The following XYLT1 variants were observed in gnomAD, a reference collection of about 807,000 sequenced individuals.
XYLT1 encodes beta-D-xylosyltransferase 1.
A neutral mutation model predicts 91.3 loss-of-function variants in XYLT1; 36 were observed. The ratio of observed to expected loss-of-function variants is 0.39; its 90% confidence interval spans 0.30 to 0.52. The LOEUF (loss-of-function observed/expected upper bound fraction) is 0.52. Ranked by LOEUF, XYLT1 falls within the 20% of genes least tolerant of loss-of-function variation. The probability of loss-of-function intolerance (pLI) is 0.68; values close to 1 mark genes in which losing one functional copy is unlikely to be tolerated. For missense variants in XYLT1, 1,242 were observed against 1,284.5 expected (o/e 0.97, Z 0.51); for synonymous variants, 588 against 532.0 (o/e 1.11, Z -1.45).
rs528083992 is a variant in XYLT1, at chr16:17,359,146, G to A, written c.364-1096C>T. Among the ~76,000 whole-genome samples the A allele has an allele frequency of 2.0e-5, 3 of 152,266 alleles. No individual in the cohort carries two copies. The East Asian group carries it at 5.8e-4, about 29-fold the overall frequency. On this transcript the variant is annotated intron_variant, in intron 1 of 11. Coordinates refer to ENST00000261381, the MANE Select transcript of XYLT1 (RefSeq NM_022166.4). ...TTTCTGTCTATACCACGTCTGCTCT[G>A]AACTTAATCATCTTGGATTTATAAT... is the stretch of plus-strand genomic sequence containing the variant.
chr16:17,328,307 G>C (rs1225673756), intron 2 of XYLT1, among the ~76,000 whole-genome samples: 1 of 151,984 alleles, frequency 6.6e-6, no homozygotes, highest in Non-Finnish European at 1.5e-5. Context: ...AGCACTTTGG[G>C]AGGCTGATGT....
intron 3 of XYLT1, chr16:17,250,532 T>C (rs1280713703): frequency 2.0e-5 from 3 of 152,228 alleles, no homozygotes; most frequent in South Asian, 2.1e-4. Flanking sequence ...CAAATATTTA[T>C]GATCTGGCCC....
chr16:17,116,767 C>G (rs914638238), intron 11 of XYLT1, among the ~76,000 whole-genome samples: 19 of 152,244 alleles, frequency 1.2e-4, no homozygotes, highest in African/African-American at 4.1e-4. Flanking sequence ...CCCACTAGCA[C>G]TGCATGAATG....
intron 2 of XYLT1, among the ~76,000 whole-genome samples, chr16:17,323,619 C>T (rs2034757697): frequency 2.0e-5 from 3 of 152,174 alleles, no homozygotes; most frequent in African/African-American, 7.2e-5. Context: ...TTCCCAGCTC[C>T]GGACTTGTAC....
chr16:17,110,547 T>TG (rs145670143), intron 11 of XYLT1, among the ~76,000 whole-genome samples: 10,757 of 152,220 alleles, frequency 0.071, 1,198 homozygotes, highest in African/African-American at 0.23. Flanking sequence ...TCCCTGACCA[T>TG]TGAAACTGTG....
intron 2 of XYLT1, among the ~76,000 whole-genome samples, chr16:17,293,364 T>C (rs921381529): frequency 6.6e-6 from 1 of 152,160 alleles, no homozygotes; most frequent in African/African-American, 2.4e-5. Flanking sequence ...CCACTTAGCA[T>C]AGCCACTGAA....
At chr16:17,249,810 A>G (rs2033508235) in intron 3 of XYLT1, 1 of 152,052 alleles carries the variant, frequency 6.6e-6, no homozygotes, top group South Asian at 2.1e-4. Flanking sequence ...CCGGGATTAC[A>G]GACATGTGCC....
intron 1 of XYLT1, among the ~76,000 whole-genome samples, chr16:17,397,389 C>T (rs1332760237): frequency 6.6e-6 from 1 of 152,088 alleles, no homozygotes; most frequent in African/African-American, 2.4e-5. Context: ...TAAAAAACAC[C>T]CGAGACAACA....
intron 3 of XYLT1, among the ~76,000 whole-genome samples, chr16:17,255,292 C>T (rs971101636): frequency 6.6e-6 from 1 of 152,182 alleles, no homozygotes; most frequent in Non-Finnish European, 1.5e-5. Context: ...AACCACCACA[C>T]CCAGCCAGCC....
chr16:17,203,610 G>A (rs1016407436), intron 3 of XYLT1, among the ~76,000 whole-genome samples: 9 of 151,292 alleles, frequency 5.9e-5, no homozygotes, highest in African/African-American at 1.5e-4. Flanking sequence ...CCACCCATTC[G>A]TTCATGCATT....
At chr16:17,449,164 T>C (rs1021856630) in intron 1 of XYLT1, among the ~76,000 whole-genome samples, 1 of 152,212 alleles carries the variant, frequency 6.6e-6, no homozygotes, top group African/African-American at 2.4e-5. Context: ...CTCCCTCTGA[T>C]GAAAGCAAGT....
chr16:17,399,061 C>A (rs1198673185), intron 1 of XYLT1, among the ~76,000 whole-genome samples: 1 of 151,966 alleles, frequency 6.6e-6, no homozygotes, highest in Non-Finnish European at 1.5e-5. Context: ...GCTTAGGGAC[C>A]CCCCCGCTTC....
At chr16:17,461,522 T>A (rs1406592702) in intron 1 of XYLT1, among the ~76,000 whole-genome samples, 1 of 151,884 alleles carries the variant, frequency 6.6e-6, no homozygotes, top group Non-Finnish European at 1.5e-5. Flanking sequence ...GGAGGATGGG[T>A]AGATAGGTGG....
rs976532436 is a variant in XYLT1, at chr16:17,138,755, T to C, written c.1588-224A>G. The C allele has an allele frequency of 1.6e-4, 80 of 505,264 alleles. 1 individual carries two copies. In the East Asian group the frequency reaches 2.6e-3, roughly 17 times the overall value. 31.3% of individuals were successfully genotyped at this position (505,264 alleles called of 1,614,324 possible). ...TTACCAAGCCTCAGATTTTCCTTCA[T>C]AGCAATGCAAAAATGTATAACACAA... On this transcript the variant is annotated intron_variant, in intron 7 of 11. Coordinates refer to ENST00000261381, the MANE Select transcript of XYLT1 (RefSeq NM_022166.4).
At chr16:17,428,225 C>T (rs2036342766) in intron 1 of XYLT1, among the ~76,000 whole-genome samples, 1 of 152,212 alleles carries the variant, frequency 6.6e-6, no homozygotes, top group South Asian at 2.1e-4. Flanking sequence ...CTCAGATGAT[C>T]TGCCCGCCTC....
At chr16:17,136,104 C>T (rs1318053169) in intron 8 of XYLT1, among the ~76,000 whole-genome samples, 1 of 152,172 alleles carries the variant, frequency 6.6e-6, no homozygotes, top group Non-Finnish European at 1.5e-5. Flanking sequence ...CAACTACTGA[C>T]CACACACAAT....
chr16:17,224,255 T>C (rs1359074796), intron 3 of XYLT1, among the ~76,000 whole-genome samples: 3 of 152,220 alleles, frequency 2.0e-5, no homozygotes, highest in South Asian at 2.1e-4. Flanking sequence ...AAGCAAGGCA[T>C]TGAGATGGGT....
chr16:17,352,139 A>G (rs980253599), intron 2 of XYLT1, among the ~76,000 whole-genome samples: 2 of 152,216 alleles, frequency 1.3e-5, no homozygotes, highest in Admixed American at 1.3e-4. Context: ...AAAGAAAAGG[A>G]AAAAGTCTCA....
intron 1 of XYLT1, among the ~76,000 whole-genome samples, chr16:17,368,591 T>TAA (rs1018922900): frequency 2.2e-5 from 3 of 135,052 alleles, no homozygotes; most frequent in Admixed American, 7.3e-5. Flanking sequence ...GTTTTTACTT[T>TAA]AAAAAAAAAA....
Sources: allele counts gnomAD v4.1 joint callset (sites outside exome capture counted in the v4.1 genomes callset), GRCh38; gene constraint gnomAD v4.1.1; transcripts MANE v1.5; gene names NCBI Gene and HGNC (gene_info 2026-07-23, HGNC 2026-07-21).